CSMD1: variants seen among roughly 807,000 people sequenced by gnomAD.
CSMD1 encodes the protein CUB and Sushi multiple domains 1.
Under a neutral mutation model 417.5 loss-of-function variants are expected in CSMD1, and 213 were observed. That is an observed-to-expected ratio of 0.51 (90% CI 0.46 to 0.57). CSMD1 has a LOEUF of 0.57. Ranked by LOEUF, CSMD1 falls within the 20% of genes least tolerant of loss-of-function variation. The pLI is 0.00. For missense variants in CSMD1, 6,923 were observed against 4,529.7 expected, an observed-to-expected ratio of 1.53 and a Z score of -15.17; for synonymous variants, 2,862 against 1,736.8, an observed-to-expected ratio of 1.65 and a Z score of -16.11.
At chr8:3,414,996 T>A (rs552278698) in intron 12 of CSMD1, among the ~76,000 whole-genome samples, 2 of 152,346 alleles carry the variant, frequency 1.3e-5, no homozygotes, top group East Asian at 3.9e-4. Context: ...GCAGGGTCTA[T>A]CTTGGTGATT....
chr8:3,859,769 G>A (rs1804568151), intron 5 of CSMD1, among the ~76,000 whole-genome samples: 1 of 152,136 alleles, frequency 6.6e-6, no homozygotes, highest in Non-Finnish European at 1.5e-5. Flanking sequence ...CCTGAATACT[G>A]CTGCATACTT....
intron 8 of CSMD1, among the ~76,000 whole-genome samples, chr8:3,605,251 C>G (rs2469348): frequency 0.72 from 108,736 of 152,070 alleles, 39,482 homozygotes; most frequent in Non-Finnish European, 0.78. Context: ...CGGCCTCCCA[C>G]AGTGCTGGGT....
At chr8:3,489,044 G>A (rs1170808456) in intron 11 of CSMD1, among the ~76,000 whole-genome samples, 2 of 152,088 alleles carry the variant, frequency 1.3e-5, no homozygotes, top group Non-Finnish European at 2.9e-5. Flanking sequence ...TAACATTAAA[G>A]ATATATAAAG....
At chr8:3,637,133 G>T (rs535108618) in intron 7 of CSMD1, among the ~76,000 whole-genome samples, 2 of 152,222 alleles carry the variant, frequency 1.3e-5, no homozygotes, top group South Asian at 2.1e-4. Flanking sequence ...AAATTATCCC[G>T]TTTGTGCTAT....
intron 25 of CSMD1, among the ~76,000 whole-genome samples, chr8:3,294,818 T>A (rs1304407465): frequency 6.6e-6 from 1 of 152,106 alleles, no homozygotes; most frequent in Non-Finnish European, 1.5e-5. Context: ...CTTGGTGGGC[T>A]GCACCCATTG....
intron 7 of CSMD1, among the ~76,000 whole-genome samples, chr8:3,686,640 C>T (rs1799957746): frequency 6.6e-6 from 1 of 152,198 alleles, no homozygotes; most frequent in African/African-American, 2.4e-5. Flanking sequence ...GATATCTATA[C>T]AAACAAACCT....
chr8:3,031,252 G>A (rs1464486589), intron 50 of CSMD1, among the ~76,000 whole-genome samples: 1 of 144,922 alleles, frequency 6.9e-6, no homozygotes, highest in Admixed American at 7.2e-5. Context: ...CTCATAGGTG[G>A]GAATTGAACA....
chr8:3,882,385 C>A (rs1053985420), intron 5 of CSMD1, among the ~76,000 whole-genome samples: 1 of 152,132 alleles, frequency 6.6e-6, no homozygotes, highest in Non-Finnish European at 1.5e-5. Flanking sequence ...GGTTAAAATA[C>A]AATTTTAAAA....
intron 26 of CSMD1, among the ~76,000 whole-genome samples, chr8:3,261,073 G>A (rs144349036): frequency 1.3e-5 from 2 of 152,210 alleles, no homozygotes; most frequent in East Asian, 1.9e-4. Context: ...ATGAAAAGAT[G>A]CTCTAAATTA....
chr8:4,975,530 G>A (rs1810500470), intron 1 of CSMD1, among the ~76,000 whole-genome samples: 1 of 152,184 alleles, frequency 6.6e-6, no homozygotes, highest in Non-Finnish European at 1.5e-5. Context: ...TTATTTTTCA[G>A]ATGAAGGAAG....
At chr8:3,982,282 C>T (rs1051472346) in intron 5 of CSMD1, among the ~76,000 whole-genome samples, 1 of 151,474 alleles carries the variant, frequency 6.6e-6, no homozygotes, top group African/African-American at 2.4e-5. Flanking sequence ...TCCTGGTCTA[C>T]ATTCCTGAGT....
chr8:4,788,284 T>A, intron 1 of CSMD1: 1 of 1,590,242 alleles, frequency 6.3e-7, no homozygotes, highest in East Asian at 2.2e-5. Context: ...CCTACTGTAT[T>A]TGTGGCAGTG....
At chr8:4,404,125 A>G (rs1804846896) in intron 3 of CSMD1, among the ~76,000 whole-genome samples, 1 of 152,202 alleles carries the variant, frequency 6.6e-6, no homozygotes, top group Non-Finnish European at 1.5e-5. Context: ...ATTCCACGCG[A>G]GTGTTTATCT....
chr8:4,136,504 C>A (rs1047754234), intron 3 of CSMD1, among the ~76,000 whole-genome samples: 1 of 152,120 alleles, frequency 6.6e-6, no homozygotes, highest in Admixed American at 6.5e-5. Context: ...TATTACTGTC[C>A]ACTACAGCAA....
chr8:3,732,359 C>T (rs1008606100), intron 6 of CSMD1, among the ~76,000 whole-genome samples: 1 of 151,816 alleles, frequency 6.6e-6, no homozygotes, highest in Non-Finnish European at 1.5e-5. Flanking sequence ...CCATAGTAAA[C>T]CAATGAAATT....
intron 2 of CSMD1, among the ~76,000 whole-genome samples, chr8:4,574,607 A>C (rs1324964125): frequency 1.3e-5 from 2 of 152,182 alleles, no homozygotes; most frequent in Non-Finnish European, 2.9e-5. Flanking sequence ...GTGTGTCTCA[A>C]TTTATGTGTC....
At chr8:4,643,956 T>G (rs1803361275) in intron 1 of CSMD1, among the ~76,000 whole-genome samples, 1 of 152,222 alleles carries the variant, frequency 6.6e-6, no homozygotes, top group African/African-American at 2.4e-5. Flanking sequence ...TCAGCCACTC[T>G]GGCTCAGCGC....
At chr8:3,907,731 A>G (rs1392137635) in intron 5 of CSMD1, among the ~76,000 whole-genome samples, 6 of 152,166 alleles carry the variant, frequency 3.9e-5, no homozygotes, top group Non-Finnish European at 5.9e-5. Flanking sequence ...GTGTTATGTG[A>G]GTAATCTCAG....
intron 7 of CSMD1, among the ~76,000 whole-genome samples, chr8:3,703,096 C>G (rs1318905199): frequency 1.3e-5 from 2 of 152,116 alleles, no homozygotes; most frequent in African/African-American, 4.8e-5. Context: ...TAATGACTAT[C>G]TTAATATCTT....
Sources: gnomAD v4.1 joint callset for allele counts (sites outside exome capture counted in the v4.1 genomes callset) on GRCh38, gnomAD v4.1.1 for gene constraint, MANE v1.5 for transcripts, NCBI Gene and HGNC (gene_info 2026-07-23, HGNC 2026-07-21) for gene names.